The following SYNE1 variants were observed in gnomAD, a reference collection of about 807,000 sequenced individuals.
The protein encoded by SYNE1 is nesprin-1.
A neutral mutation model predicts 1,111.0 loss-of-function variants in SYNE1; 616 were observed. That is an observed-to-expected ratio of 0.55 (90% confidence interval 0.52 to 0.59). The LOEUF is 0.59. Among genes scored for constraint, SYNE1 ranks in the 20% least tolerant of loss-of-function variants. The pLI, the probability that SYNE1 is intolerant of heterozygous loss-of-function variation, is 0.00. For missense variants in SYNE1, 10,006 were observed against 10,417.0 expected, an observed-to-expected ratio of 0.96 and a Z score of 1.72; for synonymous variants, 3,855 against 3,825.8, an observed-to-expected ratio of 1.01 and a Z score of -0.28.
intron 130 of SYNE1, among the ~76,000 whole-genome samples, 176 bp from the exon 131 acceptor site, chr6:152,164,501 A>G (rs2063214163): frequency 6.6e-6 from 1 of 152,238 alleles, no homozygotes; most frequent in Non-Finnish European, 1.5e-5. Context: ...GAATACAGAC[A>G]AAGGAGCAAG....
chr6:152,385,978 A>G, intron 54 of SYNE1, 140 bp from the exon 55 acceptor site: 1 of 778,144 alleles, frequency 1.3e-6, no homozygotes, highest in East Asian at 2.6e-5. Flanking sequence ...TGAGTTTAAT[A>G]TCTTAAGAAG....
At chr6:152,369,179 G>C in intron 60 of SYNE1, 52 bp from the exon 61 acceptor site, 1 of 1,599,710 alleles carries the variant, frequency 6.3e-7, no homozygotes. Flanking sequence ...AGCACATCGC[G>C]GACGAAGCTT....
Position 152,358,226 on chromosome 6 carries a change from G to A in SYNE1, c.10608+147C>T, listed in dbSNP as rs2096871897. On this transcript the variant is annotated intron_variant, in intron 66 of 145. Transcript: ENST00000367255. ...GCGCATACTGCTGAGGTCTCAGAAT[G>A]TTCTTGATCAAACCTTATGGGGATT... 2.7e-6 allele frequency: 3 copies of A among 1,110,974 alleles called. No individual in the cohort carries two copies. In the South Asian group the frequency reaches 3.9e-5, roughly 14 times the overall value. 68.8% of individuals were successfully genotyped at this position (1,110,974 alleles called of 1,614,324 possible). A position where few individuals can be genotyped will look rare whatever the true frequency, so the allele number is the denominator to read the frequency against.
intron 40 of SYNE1, among the ~76,000 whole-genome samples, chr6:152,417,490 T>G (rs1355298009): frequency 7.0e-6 from 1 of 142,134 alleles, no homozygotes; most frequent in Non-Finnish European, 1.5e-5. Context: ...AGTGTAAAAC[T>G]CCGTCTCAAA....
chr6:152,573,100 A>T (rs1268185397), intron 3 of SYNE1, among the ~76,000 whole-genome samples: 1 of 152,146 alleles, frequency 6.6e-6, no homozygotes, highest in Non-Finnish European at 1.5e-5. Context: ...ATACTTTTCT[A>T]AGGGCGAGGC....
chr6:152,310,725 A>G lies in SYNE1; in HGVS notation c.16859T>C (p.Ile5620Thr), dbSNP rs765080468. ...GRETEELRQM[I>T]KIRLQNLQDA... is the part of the protein sequence containing the mutation. Reference sequence around the variant, plus strand: ...TTGGAGGTTCTGCAAACGAATTTTGATCATCTGTCGCAACTCCTCAGTCTC... The same window carrying G: ...TTGGAGGTTCTGCAAACGAATTTTGGTCATCTGTCGCAACTCCTCAGTCTC... Residue 5620 changes from isoleucine (I) to threonine (T), a missense_variant, in exon 88 of 146, where the codon ATC becomes ACC. By Grantham distance (89) the Ile-to-Thr change is moderately conservative. Around this residue, in one of 7 missense-constraint regions of SYNE1, gnomAD observed 4,955 missense variants for 5,017.2 expected, o/e 0.99. Transcript: ENST00000367255. The G allele has an allele frequency of 3.7e-6, 6 of 1,613,180 alleles. No individual in the cohort carries two copies. The highest frequency in any genetic ancestry group is 3.3e-5 in the Admixed American group (2 of 59,922).
chr6:152,629,056 A>C (rs1056566311), intron 2 of SYNE1, among the ~76,000 whole-genome samples: 13 of 152,316 alleles, frequency 8.5e-5, no homozygotes, highest in Non-Finnish European at 1.8e-4. Context: ...TAATTCTAAA[A>C]ATTTGAGTTT....
intron 131 of SYNE1, among the ~76,000 whole-genome samples, chr6:152,160,165 C>A (rs558012145): frequency 6.6e-6 from 1 of 152,196 alleles, no homozygotes; most frequent in Non-Finnish European, 1.5e-5. Flanking sequence ...CACCACCATG[C>A]CCAGCTAAAT....
intron 4 of SYNE1, among the ~76,000 whole-genome samples, chr6:152,530,757 G>T (rs965857748): frequency 2.0e-5 from 3 of 151,808 alleles, no homozygotes; most frequent in Non-Finnish European, 4.4e-5. Flanking sequence ...AAGTAGCTGG[G>T]ACTACAGGCG....
rs1385891545 is a variant in SYNE1, at chr6:152,539,876, A to T, written c.129+84T>A. On this transcript the variant is annotated intron_variant, in intron 4 of 145. Coordinates refer to ENST00000367255, the MANE Select transcript of SYNE1 (RefSeq NM_182961.4). Reference sequence around the variant, plus strand: ...TTGATTCGCAACAGTGACAACAGGGACAGAAGCATTTTGTTATACTGGACA... The same window carrying T: ...TTGATTCGCAACAGTGACAACAGGGTCAGAAGCATTTTGTTATACTGGACA... 7 of 1,402,236 alleles carry T rather than the reference A, an allele frequency of 5.0e-6. No homozygotes were observed. The Admixed American group carries it at 8.4e-5, about 17-fold the overall frequency. 86.9% of individuals were successfully genotyped at this position (1,402,236 alleles called of 1,614,324 possible).
chr6:152,450,810 A>C lies in SYNE1; in HGVS notation c.3210T>G (p.Pro1070=), dbSNP rs768554686. ...GTAACCTTTTCTCACAGAGATGATG[A>C]GGACCTTTGTCACTGAAGAAAACCT... ...EHRVFFSDKG[P]HHLCEKRLQL... The change falls in exon 27 of 146, where the codon CCT becomes CCG. Residue 1070 remains proline, a synonymous_variant. Transcript: ENST00000367255. 3 of 1,614,096 alleles carry C rather than the reference A, an allele frequency of 1.9e-6. No individual in the cohort carries two copies. Among genetic ancestry groups the C allele is most frequent in the Non-Finnish European group, 1.7e-6 (2 of 1,180,024 alleles).
chr6:152,503,530 T>A (rs149479117), intron 9 of SYNE1, among the ~76,000 whole-genome samples: 3 of 152,320 alleles, frequency 2.0e-5, no homozygotes, highest in African/African-American at 7.2e-5. Context: ...CTTTTAAATA[T>A]CAATTTTAAA....
chr6:152,174,371 G>A (rs1232505734), intron 130 of SYNE1, among the ~76,000 whole-genome samples: 11 of 152,054 alleles, frequency 7.2e-5, no homozygotes, highest in Admixed American at 5.2e-4. Flanking sequence ...TTGAAACTCC[G>A]AGACCAGTTT....
In SYNE1 at chr6:152,225,854, G is replaced by T; in HGVS notation, c.21218C>A (p.Ala7073Glu). 1 of 1,613,232 alleles carries T rather than the reference G, an allele frequency of 6.2e-7. No individual in the cohort carries two copies. Among genetic ancestry groups the T allele is most frequent in the Non-Finnish European group, 8.5e-7 (1 of 1,179,842 alleles). ...AATTTTCTCTACTTCTTTTTCTTTTGCTTTAATCAAATCTTCCAGATCCTG... is the reference window on the plus strand; with the variant it reads ...AATTTTCTCTACTTCTTTTTCTTTTTCTTTAATCAAATCTTCCAGATCCTG... ...DCQDLEDLIK[A>E]KEKEVEKIEQ... Residue 7073 changes from alanine to glutamate, a missense_variant, in exon 116 of 146, where the codon GCA becomes GAA. Ala to Glu is a moderately radical substitution (Grantham distance 107, BLOSUM62 -1). Coordinates refer to ENST00000367255, the MANE Select transcript of SYNE1 (RefSeq NM_182961.4).
intron 3 of SYNE1, among the ~76,000 whole-genome samples, chr6:152,608,066 A>T (rs1431540109): frequency 6.6e-6 from 1 of 152,198 alleles, no homozygotes; most frequent in African/African-American, 2.4e-5. Flanking sequence ...AACCTAGATG[A>T]TGGGTTAATA....
chr6:152,475,330 A>C (rs2154283639), intron 14 of SYNE1, among the ~76,000 whole-genome samples: 1 of 152,322 alleles, frequency 6.6e-6, no homozygotes, highest in East Asian at 1.9e-4. Context: ...ATACGCCTAA[A>C]CCAACCAAAC....
rs12194077 is a variant in SYNE1 at position 152,524,598 on chromosome 6, T to G, written c.225+1482A>C. Among the ~76,000 whole-genome samples, 367 of 152,210 alleles carry G rather than the reference T, an allele frequency of 2.4e-3. 1 individual carries two copies. Among genetic ancestry groups the G allele is most frequent in the Non-Finnish European group, 3.5e-3 (240 of 68,002 alleles). ...GCCTATATACATTCCAAATTGCCTGTTCATATATGTCTAGCTTGATTCCTT... is the reference window on the plus strand; with the variant it reads ...GCCTATATACATTCCAAATTGCCTGGTCATATATGTCTAGCTTGATTCCTT... On this transcript the variant is annotated intron_variant, in intron 5 of 145. Coordinates refer to ENST00000367255, the MANE Select transcript of SYNE1 (RefSeq NM_182961.4).
intron 102 of SYNE1, 101 bp from the exon 103 acceptor site, chr6:152,255,847 G>A: frequency 7.3e-7 from 1 of 1,363,068 alleles, no homozygotes; most frequent in Non-Finnish European, 1.0e-6. Flanking sequence ...CCTGTAATCT[G>A]AGCACTTTGG....
Position 152,472,233 on chromosome 6 carries a change from A to G in SYNE1, c.1463+68T>C. On this transcript the variant is annotated intron_variant, in intron 15 of 145. Coordinates refer to ENST00000367255, the MANE Select transcript of SYNE1 (RefSeq NM_182961.4). ...TAAAAAAAAATCATGAAAAAATAAA[A>G]GAAATATAAAAAGCGTCCACCTAGT... 4 of 1,351,306 alleles carry G rather than the reference A, an allele frequency of 3.0e-6. No homozygotes were observed. The South Asian group carries it at 5.1e-5, about 17-fold the overall frequency. The allele number at this position is 1,351,306 out of a possible 1,614,324, so 83.7% of individuals were successfully genotyped here.
Sources: allele counts gnomAD v4.1 joint callset (sites outside exome capture counted in the v4.1 genomes callset), GRCh38; gene constraint gnomAD v4.1.1; regional missense constraint gnomAD v4.1.1; transcripts MANE v1.5; gene names NCBI Gene and HGNC (gene_info 2026-07-23, HGNC 2026-07-21).